Variants in DOP1A observed in about 807,000 individuals in gnomAD.
DOP1A encodes protein DOP1A.
DOP1A carries 90 observed loss-of-function variants against 267.6 expected under a neutral mutation model. That is an observed-to-expected ratio of 0.34 (90% CI 0.28 to 0.40). The LOEUF is 0.40. DOP1A is among the 10% of genes least tolerant of loss of function. The probability of loss-of-function intolerance (pLI) is 1.00; values close to 1 mark genes in which losing one functional copy is unlikely to be tolerated. For missense variants in DOP1A, 2,437 were observed against 2,900.4 expected, an observed-to-expected ratio of 0.84 and a Z score of 3.67; for synonymous variants, 932 against 999.1, an observed-to-expected ratio of 0.93 and a Z score of 1.27.
At chr6:83,133,931 A>G (rs1778477206) in intron 18 of DOP1A, among the ~76,000 whole-genome samples, 1 of 152,084 alleles carries the variant, frequency 6.6e-6, no homozygotes, top group Non-Finnish European at 1.5e-5. Flanking sequence ...TAATTACTTA[A>G]AGTCTGAACT....
intron 24 of DOP1A, among the ~76,000 whole-genome samples, chr6:83,142,491 G>C (rs984624412): frequency 6.6e-6 from 1 of 151,852 alleles, no homozygotes; most frequent in African/African-American, 2.4e-5. Flanking sequence ...CTGGGCAACA[G>C]AGCAAGACTC....
intron 38 of DOP1A, chr6:83,164,788 G>C: frequency 7.6e-7 from 1 of 1,310,158 alleles, no homozygotes; most frequent in Non-Finnish European, 1.1e-6. Context: ...ACAAACCCAG[G>C]TCTGAATGTC....
chr6:83,156,781 C>A (rs946670132), intron 34 of DOP1A, among the ~76,000 whole-genome samples: 1 of 152,190 alleles, frequency 6.6e-6, no homozygotes, highest in South Asian at 2.1e-4. Context: ...GTTTCCTAAC[C>A]TTTTACGCCT....
chr6:83,166,245 G>T, intron 38 of DOP1A: 1 of 519,914 alleles, frequency 1.9e-6, no homozygotes, highest in Non-Finnish European at 3.4e-6. Flanking sequence ...GGTCAACATT[G>T]AGTTCTTGGG....
intron 37 of DOP1A, among the ~76,000 whole-genome samples, chr6:83,162,495 A>G (rs1419949141): frequency 6.6e-6 from 1 of 152,228 alleles, no homozygotes; most frequent in Non-Finnish European, 1.5e-5. Flanking sequence ...ATGAGAAAAG[A>G]AACATTTGTT....
intron 6 of DOP1A, 148 bp from the exon 7 acceptor site, chr6:83,113,175 A>G: frequency 1.8e-6 from 1 of 561,938 alleles, no homozygotes; most frequent in Admixed American, 3.2e-5. Flanking sequence ...ATCATTATAT[A>G]TATACTATTC....
chr6:83,134,156 A>C, intron 18 of DOP1A, 31 bp from the exon 19 acceptor site: 1 of 1,581,636 alleles, frequency 6.3e-7, no homozygotes, highest in Non-Finnish European at 8.7e-7. Flanking sequence ...AGAGAGAAGA[A>C]CATAATTTAA....
intron 3 of DOP1A, 104 bp downstream of exon 3, chr6:83,097,219 A>G (rs1771658335): frequency 7.7e-7 from 1 of 1,301,838 alleles, no homozygotes; most frequent in Non-Finnish European, 1.1e-6. Context: ...AAAAACATAA[A>G]TGAACCTTAG....
chr6:83,134,533 C>A, intron 19 of DOP1A: 1 of 370,772 alleles, frequency 2.7e-6, no homozygotes, highest in East Asian at 4.7e-5. Context: ...CTATTCATCA[C>A]GTTCCTGATA....
intron 1 of DOP1A, among the ~76,000 whole-genome samples, chr6:83,096,428 A>T (rs1465480418): frequency 6.7e-6 from 1 of 149,726 alleles, no homozygotes; most frequent in Non-Finnish European, 1.5e-5. Context: ...GTTTTATTCA[A>T]AGTAAAGTCT....
In DOP1A at chr6:83,120,811, G is replaced by A. The variant is rs1214026364; in HGVS notation, c.1099+20G>A. On this transcript the variant is annotated intron_variant, in intron 10 of 38. Transcript: ENST00000349129. ...AGCTAGGTAATGTATACTGTCCTAG[G>A]GCATAAGGTCATGTGTGGTACTTTT... is the stretch of plus-strand genomic sequence containing the variant. 1 of 1,449,204 alleles carries A rather than the reference G, an allele frequency of 6.9e-7. No individual in the cohort carries two copies. The highest frequency in any genetic ancestry group is 9.4e-7 in the Non-Finnish European group (1 of 1,068,960). The allele number at this position is 1,449,204 out of a possible 1,614,324, so 89.8% of individuals were successfully genotyped here.
rs771596220 is a variant in DOP1A, at chr6:83,138,099, G to A, written c.4057G>A (p.Gly1353Arg). The change falls in exon 21 of 39, where the codon GGA (glycine) becomes AGA (arginine). Residue 1353 changes from glycine (G) to arginine (R), a missense_variant. Physicochemically the swap from Gly to Arg is moderately radical, Grantham distance 125. Transcript: ENST00000349129. ...AATTGAGAGTGACATGGGTTCTCCA[G>A]GATCTCGAAAATCTCCCAATTTCAA... ...SEIESDMGSP[G>R]SRKSPNFNIH... 2 of 1,613,808 alleles carry A rather than the reference G, an allele frequency of 1.2e-6. No homozygotes were observed. The highest frequency in any genetic ancestry group is 1.7e-6 in the Non-Finnish European group (2 of 1,179,844).
chr6:83,097,337 A>G (rs183091564), intron 3 of DOP1A, among the ~76,000 whole-genome samples: 1 of 152,240 alleles, frequency 6.6e-6, no homozygotes, highest in East Asian at 1.9e-4. Context: ...CTTGAAAAAT[A>G]TAGTTATCGC....
chr6:83,117,714 T>G (rs1775691967), intron 7 of DOP1A, among the ~76,000 whole-genome samples: 1 of 152,200 alleles, frequency 6.6e-6, no homozygotes, highest in African/African-American at 2.4e-5. Context: ...TGAATATGCA[T>G]AGTTTTATTT....
intron 18 of DOP1A, 82 bp downstream of exon 18, chr6:83,132,410 A>G (rs1778211691): frequency 7.1e-7 from 1 of 1,408,586 alleles, no homozygotes; most frequent in Admixed American, 2.1e-5. Flanking sequence ...AGAAAACTTT[A>G]GGGAAATTAT....
In DOP1A at chr6:83,138,105, C is replaced by T; in HGVS notation, c.4063C>T (p.Arg1355Ter). Reference sequence around the variant, plus strand: ...GAGTGACATGGGTTCTCCAGGATCTCGAAAATCTCCCAATTTCAACATTCA... The same window carrying T: ...GAGTGACATGGGTTCTCCAGGATCTTGAAAATCTCCCAATTTCAACATTCA... ...IESDMGSPGS[R>*]KSPNFNIHPL... The change falls in exon 21 of 39, where the codon CGA (arginine) becomes TGA (stop). Residue 1355 changes from arginine (R) to a stop codon, truncating the protein, a stop_gained. Coordinates refer to ENST00000349129, the MANE Select transcript of DOP1A (RefSeq NM_015018.4). LOFTEE classifies it high-confidence loss of function. The T allele has an allele frequency of 1.2e-6, 2 of 1,613,796 alleles. No individual in the cohort carries two copies. Among genetic ancestry groups the T allele is most frequent in the South Asian group, 1.1e-5 (1 of 91,042 alleles).
chr6:83,087,715 A>C (rs921905468), intron 1 of DOP1A, among the ~76,000 whole-genome samples: 2 of 152,242 alleles, frequency 1.3e-5, no homozygotes, highest in Non-Finnish European at 1.5e-5. Flanking sequence ...GATTAAATTA[A>C]TTAAAATACA....
chr6:83,086,732 G>GT (rs1298440805), intron 1 of DOP1A, among the ~76,000 whole-genome samples: 5 of 152,088 alleles, frequency 3.3e-5, no homozygotes, highest in South Asian at 2.1e-4. Flanking sequence ...TTTTATACGG[G>GT]TTTTTTTCCT....
At chr6:83,114,101 T>G (rs1199698928) in intron 7 of DOP1A, among the ~76,000 whole-genome samples, 2 of 152,176 alleles carry the variant, frequency 1.3e-5, no homozygotes, top group South Asian at 4.1e-4. Flanking sequence ...AAAAGGACTA[T>G]TATTTGAGGT....
Sources: gnomAD v4.1 joint callset for allele counts (sites outside exome capture counted in the v4.1 genomes callset) on GRCh38, gnomAD v4.1.1 for gene constraint, MANE v1.5 for transcripts, NCBI Gene and HGNC (gene_info 2026-07-23, HGNC 2026-07-21) for gene names.